Variants in NR2F6 observed in about 807,000 individuals in gnomAD.
NR2F6 encodes the protein ERBA-related gene-2.
In NR2F6, 16 loss-of-function variants were observed where a neutral mutation model predicts 26.5. The observed-to-expected ratio is 0.60, with a 90% CI of 0.41 to 0.92. NR2F6 has a LOEUF of 0.92. NR2F6 is among the 40% of genes least tolerant of loss of function. The pLI, the probability that NR2F6 is intolerant of heterozygous loss-of-function variation, is 0.00. For synonymous variants in NR2F6, 325 were observed against 305.0 expected (o/e 1.07, Z -0.68); for missense variants, 536 against 631.7 (o/e 0.85, Z 1.62).
At chr19:17,240,584 A>AG (rs2073463818) in intron 2 of NR2F6, 87 bp downstream of exon 2, 6 of 1,376,062 alleles carry the variant, frequency 4.4e-6, no homozygotes, top group Non-Finnish European at 4.1e-6. Context: ...GGTGAAAGGG[A>AG]GGGGAAAAAG....
At chr19:17,237,077 G>C (rs2073442854) in intron 2 of NR2F6, among the ~76,000 whole-genome samples, 3 of 152,230 alleles carry the variant, frequency 2.0e-5, no homozygotes, top group Admixed American at 2.0e-4. Context: ...GTGAACTCCA[G>C]GTCAACTCTG....
intron 2 of NR2F6, among the ~76,000 whole-genome samples, 198 bp downstream of exon 2, chr19:17,240,473 G>C (rs1414085205): frequency 6.6e-6 from 1 of 152,236 alleles, no homozygotes. Flanking sequence ...CTCCAGCCTA[G>C]GGCCAGACTG....
chr19:17,234,084 G>T (rs543429283), intron 3 of NR2F6, among the ~76,000 whole-genome samples: 129 of 152,104 alleles, frequency 8.5e-4, no homozygotes, highest in African/African-American at 2.9e-3. Flanking sequence ...TTAGCCAGGC[G>T]TGGTGACGCG....
At position 17,245,386 on chromosome 19, in the gene NR2F6, C is replaced by T. The variant is rs1308688961; in HGVS notation, c.-166G>A. ...AGCAACTTCCTGCGGCCGGTCCTCG[C>T]GCCCGGGCGGAACTGGTCGGGCCGG... On this transcript the variant is annotated 5_prime_UTR_variant, in exon 1 of 4. Coordinates refer to ENST00000291442, the MANE Select transcript of NR2F6 (RefSeq NM_005234.4). The surrounding 1 kb of genome is among the most constrained non-coding windows in gnomAD (Gnocchi z 5.0). 2.6e-5 allele frequency: 13 copies of T among 500,250 alleles called. No homozygotes were observed. The South Asian group carries it at 1.2e-3, about 45-fold the overall frequency. The allele number at this position is 500,250 out of a possible 1,614,324, so 31.0% of individuals were successfully genotyped here.
Position 17,235,306 on chromosome 19 carries a change from G to T in NR2F6, c.940+193C>A, listed in dbSNP as rs571420679. Among the ~76,000 whole-genome samples the T allele has an allele frequency of 2.0e-5, 3 of 152,328 alleles. No individual in the cohort carries two copies. In the South Asian group the frequency reaches 6.2e-4, roughly 32 times the overall value. ...GAGAGTCCTGGGATCACGGAGTGGG[G>T]GTGTCACAGTGTCACACTGCTTACA... On this transcript the variant is annotated intron_variant, in intron 3 of 3. Transcript: ENST00000291442. This position sits in a 1 kb window ranked among gnomAD's most constrained non-coding sequence, Gnocchi z 5.0.
intron 1 of NR2F6, among the ~76,000 whole-genome samples, chr19:17,242,145 C>G (rs1159591142): frequency 1.3e-5 from 2 of 151,474 alleles, no homozygotes; most frequent in East Asian, 3.9e-4. Context: ...ATAGAGAAAA[C>G]CTGTCTCTAC....
intron 2 of NR2F6, among the ~76,000 whole-genome samples, chr19:17,240,241 TA>T (rs35217647): frequency 0.35 from 51,676 of 149,470 alleles, 9,244 homozygotes; most frequent in Non-Finnish European, 0.41. Flanking sequence ...ACAAATCAAA[TA>T]AAAAAAAAAA....
chr19:17,235,881 G>A lies in NR2F6; in HGVS notation c.558C>T (p.Phe186=), dbSNP rs1188074380. 23 of 1,463,588 alleles carry A rather than the reference G, an allele frequency of 1.6e-5. No homozygotes were observed. The highest frequency in any genetic ancestry group is 2.1e-5 in the Non-Finnish European group (23 of 1,116,364). 90.7% of individuals were successfully genotyped at this position (1,463,588 alleles called of 1,614,324 possible). Residue 186 remains phenylalanine (F), a synonymous_variant, in exon 3 of 4, where the codon TTC becomes TTT. Coordinates refer to ENST00000291442, the MANE Select transcript of NR2F6 (RefSeq NM_005234.4). The surrounding 1 kb of genome is among the most constrained non-coding windows in gnomAD (Gnocchi z 5.0). ...AEPYPAAAGR[F]GAGGGAAGAV... ...CGCCCGCCGCGCCGCCCCCTGCGCCGAAGCGTCCGGCCGCCGCAGGGTAGG... is the reference window on the plus strand; with the variant it reads ...CGCCCGCCGCGCCGCCCCCTGCGCCAAAGCGTCCGGCCGCCGCAGGGTAGG...
chr19:17,243,403 T>C (rs1157159757), intron 1 of NR2F6, among the ~76,000 whole-genome samples: 3 of 152,166 alleles, frequency 2.0e-5, no homozygotes, highest in African/African-American at 7.2e-5. Context: ...CAGAATGGAA[T>C]GGTGATTTCA....
At position 17,245,201 on chromosome 19, in the gene NR2F6, C is replaced by T; in HGVS notation, c.20G>A (p.Gly7Asp). 2 of 1,372,652 alleles carry T rather than the reference C, an allele frequency of 1.5e-6. No homozygotes were observed. The highest frequency in any genetic ancestry group is 3.2e-5 in the Admixed American group (1 of 31,242). 85.0% of individuals were successfully genotyped at this position (1,372,652 alleles called of 1,614,324 possible). A position where few individuals can be genotyped will look rare whatever the true frequency, so the allele number is the denominator to read the frequency against. Residue 7 changes from glycine (G) to aspartate (D), a missense_variant, in exon 1 of 4, where the codon GGC (glycine) becomes GAC (aspartate). Gly to Asp is a moderately conservative substitution (Grantham distance 94). Coordinates refer to ENST00000291442, the MANE Select transcript of NR2F6 (RefSeq NM_005234.4). The surrounding 1 kb of genome is among the most constrained non-coding windows in gnomAD (Gnocchi z 5.0). Reference sequence around the variant, plus strand: ...CGTGTCGCCGCCGGGGCCGCCCCAGCCGCCGGTCACCATGGCCATAGCCCC... The same window carrying T: ...CGTGTCGCCGCCGGGGCCGCCCCAGTCGCCGGTCACCATGGCCATAGCCCC... MAMVTGGWGGPGGDTNG... is the reference protein window; with the variant it reads MAMVTGDWGGPGGDTNG...
In NR2F6 at chr19:17,235,928, C is replaced by A; in HGVS notation, c.511G>T (p.Ala171Ser). ...TAGGGCTCAGCGCGCAGCAGCTGCG[C>A]GATCAGTTCGGACACCGGCTGCCCC... ...FPGQPVSELI[A>S]QLLRAEPYPA... The change falls in exon 3 of 4, where the codon GCG (alanine) becomes TCG (serine). Residue 171 changes from alanine to serine, a missense_variant. Transcript: ENST00000291442. The surrounding 1 kb of genome is among the most constrained non-coding windows in gnomAD (Gnocchi z 5.0). The A allele has an allele frequency of 6.8e-7, 1 of 1,480,472 alleles. No homozygotes were observed. Among genetic ancestry groups the A allele is most frequent in the South Asian group, 1.3e-5 (1 of 78,582 alleles). The allele number at this position is 1,480,472 out of a possible 1,614,324, so 91.7% of individuals were successfully genotyped here.
chr19:17,237,816 G>A (rs1051282947), intron 2 of NR2F6, among the ~76,000 whole-genome samples: 2 of 152,118 alleles, frequency 1.3e-5, no homozygotes, highest in Admixed American at 6.5e-5. Context: ...TCTGACAAAT[G>A]GCCTCACCAA....
At chr19:17,239,333 C>T (rs1262653697) in intron 2 of NR2F6, among the ~76,000 whole-genome samples, 1 of 145,658 alleles carries the variant, frequency 6.9e-6, no homozygotes, top group Non-Finnish European at 1.5e-5. Context: ...GAGACTCTGT[C>T]TCAAAAACAA....
At chr19:17,232,886 G>A (rs1292189169) in intron 3 of NR2F6, among the ~76,000 whole-genome samples, 1 of 152,176 alleles carries the variant, frequency 6.6e-6, no homozygotes, top group Non-Finnish European at 1.5e-5. Context: ...AGTAGCTCAC[G>A]CCTGTAATCC....
chr19:17,243,999 G>A (rs1471837602), intron 1 of NR2F6, among the ~76,000 whole-genome samples: 1 of 152,080 alleles, frequency 6.6e-6, no homozygotes, highest in African/African-American at 2.4e-5. Context: ...CTTATAAACG[G>A]ACAGATCGGA....
At chr19:17,243,555 A>G (rs944499408) in intron 1 of NR2F6, among the ~76,000 whole-genome samples, 1 of 150,796 alleles carries the variant, frequency 6.6e-6, no homozygotes, top group African/African-American at 2.5e-5. Context: ...TACCCTCCCT[A>G]AAGATATGAC....
intron 2 of NR2F6, among the ~76,000 whole-genome samples, chr19:17,236,917 G>C (rs897199284): frequency 6.6e-6 from 1 of 152,268 alleles, no homozygotes; most frequent in African/African-American, 2.4e-5. Flanking sequence ...GGTGAGAAAA[G>C]GGAAACTGAG....
chr19:17,237,821 C>T lies in NR2F6; in HGVS notation c.374-1756G>A, dbSNP rs554243164. Among the ~76,000 whole-genome samples, 118 of 152,302 alleles carry T rather than the reference C, an allele frequency of 7.7e-4. 2 individuals are homozygous for T. In the South Asian group the frequency reaches 0.024, roughly 31 times the overall value. ...TCTGTTGCTCTCTGACAAATGGCCT[C>T]ACCAATCTGCTGTGTGCCTCAGTTT... On this transcript the variant is annotated intron_variant, in intron 2 of 3. Coordinates refer to ENST00000291442, the MANE Select transcript of NR2F6 (RefSeq NM_005234.4).
In NR2F6 at chr19:17,245,600, G is replaced by T. The variant is rs1475661941; in HGVS notation, c.-380C>A. ...TCTGGCCTGGCCGCCGCTCGCCCGG[G>T]GGCTGCGGCCAACTCAGCGGGCCGC... On this transcript the variant is annotated 5_prime_UTR_variant, in exon 1 of 4. Coordinates refer to ENST00000291442, the MANE Select transcript of NR2F6 (RefSeq NM_005234.4). This position sits in a 1 kb window ranked among gnomAD's most constrained non-coding sequence, Gnocchi z 5.0. The T allele has an allele frequency of 6.8e-6, 1 of 146,556 alleles. No individual in the cohort carries two copies. The highest frequency in any genetic ancestry group is 2.5e-5 in the African/African-American group (1 of 40,814). The allele number at this position is 146,556 out of a possible 1,614,324, so 9.1% of individuals were successfully genotyped here. A position where few individuals can be genotyped will look rare whatever the true frequency, so the allele number is the denominator to read the frequency against.
Sources: allele counts gnomAD v4.1 joint callset (sites outside exome capture counted in the v4.1 genomes callset), GRCh38; gene constraint gnomAD v4.1.1; non-coding constraint Gnocchi (gnomAD v3.1); transcripts MANE v1.5; gene names NCBI Gene and HGNC (gene_info 2026-07-23, HGNC 2026-07-21).